DNASE1: variants seen among roughly 807,000 people sequenced by gnomAD.
DNASE1 encodes the protein deoxyribonuclease-1.
A neutral mutation model predicts 33.9 loss-of-function variants in DNASE1; 40 were observed. That is an observed-to-expected ratio of 1.18 (90% CI 0.92 to 1.54). The LOEUF (loss-of-function observed/expected upper bound fraction) is 1.54, where lower values mean the gene tolerates loss of function less well. Among genes scored for constraint, DNASE1 ranks in the 40% most tolerant of loss-of-function variants. The pLI is 0.00. For missense variants in DNASE1, 518 were observed against 372.6 expected (o/e 1.39, Z -3.21); for synonymous variants, 216 against 160.0 (o/e 1.35, Z -2.64).
Position 3,657,058 on chromosome 16 carries a change from A to T in DNASE1, c.496A>T (p.Ile166Phe). ...HAAPGDAVAE[I>F]DALYDVYLDV... The stretch of plus-strand genomic sequence containing the variant: ...GGCCCCGGGGGACGCAGTAGCCGAG[A>T]TCGACGCTCTCTATGACGTCTACCT... The change falls in exon 6 of 9, where the codon ATC (isoleucine) becomes TTC (phenylalanine). Residue 166 changes from isoleucine to phenylalanine, a missense_variant. Coordinates refer to ENST00000246949, the MANE Select transcript of DNASE1 (RefSeq NM_005223.4). 6.2e-7 allele frequency: 1 copy of T among 1,613,932 alleles called. No homozygotes were observed. The highest frequency in any genetic ancestry group is 1.1e-5 in the South Asian group (1 of 91,070).
chr16:3,632,733 C>T (rs2041738343), intron 1 of DNASE1, among the ~76,000 whole-genome samples: 1 of 151,994 alleles, frequency 6.6e-6, no homozygotes, highest in Admixed American at 6.6e-5. Flanking sequence ...TTACAGGCAT[C>T]TGCCACCATG....
chr16:3,660,307 A>T (rs1387649400), downstream of DNASE1: 4 of 152,218 alleles, frequency 2.6e-5, no homozygotes, highest in African/African-American at 9.7e-5. Flanking sequence ...TTGAATTCTG[A>T]ACTATGTGGA....
At chr16:3,624,922 A>G (rs1469076446) in intron 1 of DNASE1, among the ~76,000 whole-genome samples, 2 of 152,258 alleles carry the variant, frequency 1.3e-5, no homozygotes, top group East Asian at 3.9e-4. Context: ...CTCGTCTCGA[A>G]CTGGGCTCAA....
chr16:3,627,623 A>G (rs746094869), intron 1 of DNASE1, among the ~76,000 whole-genome samples: 1 of 152,008 alleles, frequency 6.6e-6, no homozygotes, highest in Non-Finnish European at 1.5e-5. Context: ...GTTCTTTTGC[A>G]TGTGGATATC....
At chr16:3,663,378 G>A (rs746404302) in exon 10 of DNASE1, 23 of 1,611,308 alleles carry the variant, frequency 1.4e-5, no homozygotes, top group Admixed American at 6.7e-5. Context: ...AGAGGCGTGC[G>A]GGGAGTGGAA....
At chr16:3,660,268 T>G (rs1426614910), downstream of DNASE1, 1 of 152,204 alleles carries the variant, frequency 6.6e-6, no homozygotes, top group Non-Finnish European at 1.5e-5. Context: ...GGGACACAGG[T>G]AGGAGGAAAT....
At chr16:3,629,414 A>G (rs985508691) in intron 1 of DNASE1, among the ~76,000 whole-genome samples, 4 of 152,184 alleles carry the variant, frequency 2.6e-5, no homozygotes, top group African/African-American at 9.6e-5. Context: ...TGGACCATCC[A>G]TGCATTTCAG....
chr16:3,629,612 C>G (rs1417099800), intron 1 of DNASE1, among the ~76,000 whole-genome samples: 2 of 152,102 alleles, frequency 1.3e-5, no homozygotes, highest in East Asian at 3.9e-4. Context: ...GGAAGTATTT[C>G]TTACTCTCCA....
rs753781014 is a variant in DNASE1, at chr16:3,657,101, G to T, written c.539G>T (p.Trp180Leu). The T allele has an allele frequency of 1.2e-6, 2 of 1,614,118 alleles. No individual in the cohort carries two copies. The highest frequency in any genetic ancestry group is 1.7e-6 in the Non-Finnish European group (2 of 1,180,024). The change falls in exon 6 of 9, where the codon TGG (tryptophan) becomes TTG (leucine). Residue 180 changes from tryptophan (W) to leucine (L), a missense_variant. Coordinates refer to ENST00000246949, the MANE Select transcript of DNASE1 (RefSeq NM_005223.4). ...GTCTACCTGGATGTCCAAGAGAAAT[G>T]GGGCTTGGAGGTGAGGCCCTCCCAG... is the stretch of plus-strand genomic sequence containing the variant. ...YDVYLDVQEK[W>L]GLEDVMLMGD...
rs182714129 is a variant in DNASE1 at position 3,649,528 on chromosome 16, C to A, written c.-85-5433C>A. Reference sequence around the variant, plus strand: ...AACTGAGAATTTCTTTGTGACAGAACGTTGAAGCAGTGGTGAATGATGAAG... The same window carrying A: ...AACTGAGAATTTCTTTGTGACAGAAAGTTGAAGCAGTGGTGAATGATGAAG... On this transcript the variant is annotated intron_variant, in intron 1 of 9. Transcript: ENST00000407479. Among the ~76,000 whole-genome samples, 350 of 152,242 alleles carry A rather than the reference C, an allele frequency of 2.3e-3. 2 individuals carry two copies. Among genetic ancestry groups the A allele is most frequent in the African/African-American group, 7.9e-3 (328 of 41,536 alleles).
At chr16:3,646,079 A>G (rs1235030105) in intron 1 of DNASE1, among the ~76,000 whole-genome samples, 2 of 152,206 alleles carry the variant, frequency 1.3e-5, no homozygotes, top group Admixed American at 1.3e-4. Context: ...CCGAGGGCAG[A>G]TAGGTCTTGT....
At chr16:3,662,203 G>T (rs913791393), downstream of DNASE1, 18 of 1,550,494 alleles carry the variant, frequency 1.2e-5, no homozygotes, top group African/African-American at 2.2e-4. Flanking sequence ...ATCTTACCAG[G>T]GGTGAAGGTC....
chr16:3,637,445 G>T (rs1217999065), intron 1 of DNASE1, among the ~76,000 whole-genome samples: 1 of 152,148 alleles, frequency 6.6e-6, no homozygotes, highest in African/African-American at 2.4e-5. Context: ...CCCCTGGCCT[G>T]TGACTTTTAC....
upstream of DNASE1, chr16:3,652,508 T>TA (rs1297707520): frequency 2.0e-5 from 3 of 152,242 alleles, no homozygotes; most frequent in African/African-American, 7.2e-5. Context: ...GTCCTAGACT[T>TA]AGAGATTAAA....
At chr16:3,656,448 C>T (rs541118963) in intron 4 of DNASE1, among the ~76,000 whole-genome samples, 190 bp from the exon 5 acceptor site, 8 of 112,542 alleles carry the variant, frequency 7.1e-5, no homozygotes, top group South Asian at 3.8e-4. Flanking sequence ...GCCTGGGTCC[C>T]GGACCAATGG....
At position 3,658,077 on chromosome 16, in the gene DNASE1, C is replaced by G; in HGVS notation, c.*124C>G. ...CCTTTAAATTTAGGTAAATAAAGCT[C>G]AAGGAGGTGGGGCTGTCATCTGTGG... On this transcript the variant is annotated 3_prime_UTR_variant, in exon 9 of 9. Coordinates refer to ENST00000246949, the MANE Select transcript of DNASE1 (RefSeq NM_005223.4). 1.2e-6 allele frequency: 2 copies of G among 1,610,094 alleles called. No homozygotes were observed. The highest frequency in any genetic ancestry group is 1.7e-6 in the Non-Finnish European group (2 of 1,177,200).
intron 1 of DNASE1, among the ~76,000 whole-genome samples, chr16:3,620,347 A>T (rs1010004627): frequency 6.6e-6 from 1 of 152,108 alleles, no homozygotes; most frequent in Non-Finnish European, 1.5e-5. Context: ...AAGGCTTCGT[A>T]TAATTAGTAA....
In DNASE1 at chr16:3,646,738, T is replaced by G. The variant is rs1356721457; in HGVS notation, c.-86+3702T>G. ...ATGTTCTGAGAGCTGTGGGGACGGC[T>G]GGGACATGTACCTGGAAGCAGGGCA... On this transcript the variant is annotated intron_variant, in intron 1 of 9. Coordinates refer to the DNASE1 transcript ENST00000407479. Among the ~76,000 whole-genome samples, 4 of 152,230 alleles carry G rather than the reference T, an allele frequency of 2.6e-5. No homozygotes were observed. The East Asian group carries it at 7.7e-4, about 29-fold the overall frequency.
chr16:3,641,144 C>A (rs992886638), upstream of DNASE1: 1 of 394,648 alleles, frequency 2.5e-6, no homozygotes, highest in African/African-American at 2.1e-5. Flanking sequence ...CATGGCCCTG[C>A]TGCAGCTCCA....
Sources: gnomAD v4.1 joint callset for allele counts (sites outside exome capture counted in the v4.1 genomes callset) on GRCh38, gnomAD v4.1.1 for gene constraint, MANE v1.5 for transcripts, NCBI Gene and HGNC (gene_info 2026-07-23, HGNC 2026-07-21) for gene names.